Variants in UGT1A8 observed in about 807,000 individuals in gnomAD.
The protein encoded by UGT1A8 is UDP glucuronosyltransferase family 1 member A8, also known as UDP-glucuronosyltransferase 1A8.
A neutral mutation model predicts 45.3 loss-of-function variants in UGT1A8; 39 were observed. That is an observed-to-expected ratio of 0.86 (90% confidence interval 0.67 to 1.12). UGT1A8 has a LOEUF of 1.12. UGT1A8 is among the 50% of genes most tolerant of loss of function. UGT1A8 has a pLI of 0.00. For missense variants in UGT1A8, 719 were observed against 664.9 expected, an observed-to-expected ratio of 1.08 and a Z score of -0.90; for synonymous variants, 275 against 249.2, an observed-to-expected ratio of 1.10 and a Z score of -0.97.
At chr2:233,713,498 T>A in intron 1 of UGT1A8, 1 of 1,614,012 alleles carries the variant, frequency 6.2e-7, no homozygotes, top group Non-Finnish European at 8.5e-7. Context: ...CGATTCCTGC[T>A]GTGTTTTTCT....
intron 1 of UGT1A8, chr2:233,689,984 A>C: frequency 2.2e-6 from 1 of 453,360 alleles, no homozygotes; most frequent in South Asian, 1.6e-5. Context: ...AGGCCCCTAA[A>C]AGGGATTCTC....
intron 1 of UGT1A8, among the ~76,000 whole-genome samples, chr2:233,735,339 T>TG (rs1286077352): frequency 6.6e-6 from 1 of 151,862 alleles, no homozygotes; most frequent in African/African-American, 2.4e-5. Flanking sequence ...AACCCCTGCT[T>TG]TTTTTTTGCT....
At chr2:233,702,551 G>A (rs1489812994) in intron 1 of UGT1A8, among the ~76,000 whole-genome samples, 1 of 152,126 alleles carries the variant, frequency 6.6e-6, no homozygotes, top group Admixed American at 6.5e-5. Flanking sequence ...CTTAGGTGGG[G>A]AAGTATTCAG....
intron 1 of UGT1A8, among the ~76,000 whole-genome samples, chr2:233,647,012 CA>C (rs2073623412): frequency 6.6e-6 from 1 of 152,196 alleles, no homozygotes; most frequent in South Asian, 2.1e-4. Context: ...GGGGAGGCCT[CA>C]CAATCATGGC....
intron 1 of UGT1A8, among the ~76,000 whole-genome samples, chr2:233,629,332 T>G (rs1163329387): frequency 3.3e-5 from 5 of 152,166 alleles, no homozygotes; most frequent in Non-Finnish European, 7.4e-5. Flanking sequence ...TCATGCTGTA[T>G]ACATACACCA....
intron 1 of UGT1A8, among the ~76,000 whole-genome samples, chr2:233,659,454 A>G (rs2073923108): frequency 6.6e-6 from 1 of 152,224 alleles, no homozygotes; most frequent in Admixed American, 6.5e-5. Flanking sequence ...GAAAATTTTA[A>G]GGTTTGAGAA....
intron 1 of UGT1A8, chr2:233,712,898 A>G: frequency 6.2e-7 from 1 of 1,608,042 alleles, no homozygotes; most frequent in East Asian, 2.2e-5. Context: ...TTGATTTGCT[A>G]GGTGTCTCAG....
At position 233,772,787 on chromosome 2, in the gene UGT1A8, A is replaced by T; in HGVS notation, c.*228A>T. The T allele has an allele frequency of 4.0e-6, 5 of 1,249,376 alleles. No individual in the cohort carries two copies. Among genetic ancestry groups the T allele is most frequent in the Non-Finnish European group, 4.2e-6 (4 of 942,894 alleles). The allele number at this position is 1,249,376 out of a possible 1,614,324, so 77.4% of individuals were successfully genotyped here. A position where few individuals can be genotyped will look rare whatever the true frequency, so the allele number is the denominator to read the frequency against. The stretch of plus-strand genomic sequence containing the variant: ...GCCCCCTCTGGTGTCTTTGATCAGG[A>T]TGACATGTGCCATTTTTCAGAGGAC... On this transcript the variant is annotated 3_prime_UTR_variant, in exon 5 of 5. Coordinates refer to ENST00000373450, the MANE Select transcript of UGT1A8 (RefSeq NM_019076.5).
chr2:233,679,607 C>A (rs2074457324), intron 1 of UGT1A8, among the ~76,000 whole-genome samples: 1 of 152,044 alleles, frequency 6.6e-6, no homozygotes, highest in African/African-American at 2.4e-5. Flanking sequence ...TGTATTAAAA[C>A]CCTGTTCAGG....
At chr2:233,671,848 G>T in intron 1 of UGT1A8, 2 of 1,497,626 alleles carry the variant, frequency 1.3e-6, no homozygotes, top group Non-Finnish European at 8.9e-7. Flanking sequence ...CCTCTATTGG[G>T]GTCAGGTTTT....
chr2:233,752,600 T>C (rs1023436245), intron 1 of UGT1A8: 2 of 152,076 alleles, frequency 1.3e-5, no homozygotes, highest in African/African-American at 4.8e-5. Flanking sequence ...AGATTTTTTT[T>C]AAAAAAACAT....
At chr2:233,654,391 T>C (rs555172242) in intron 1 of UGT1A8, among the ~76,000 whole-genome samples, 2 of 152,300 alleles carry the variant, frequency 1.3e-5, no homozygotes, top group African/African-American at 2.4e-5. Flanking sequence ...CCAAACCCTA[T>C]AGCATCTTGT....
chr2:233,732,449 C>T (rs1329295368), intron 1 of UGT1A8, among the ~76,000 whole-genome samples: 2 of 152,220 alleles, frequency 1.3e-5, no homozygotes, highest in Admixed American at 1.3e-4. Flanking sequence ...TTAGGTCTAA[C>T]ATTTGAGTCT....
At chr2:233,647,287 G>T (rs563723032) in intron 1 of UGT1A8, among the ~76,000 whole-genome samples, 1 of 152,322 alleles carries the variant, frequency 6.6e-6, no homozygotes, top group African/African-American at 2.4e-5. Flanking sequence ...TATTGAATTT[G>T]ATTTGCTGAA....
chr2:233,731,651 A>G (rs190900877), intron 1 of UGT1A8, among the ~76,000 whole-genome samples: 118 of 152,290 alleles, frequency 7.7e-4, no homozygotes, highest in Admixed American at 1.5e-3. Context: ...TCCATGGTGT[A>G]TATGTGCCAC....
rs1228021328 is a variant in UGT1A8, at chr2:233,772,590, A to G, written c.*31A>G. The G allele has an allele frequency of 2.5e-6, 4 of 1,602,300 alleles. No homozygotes were observed. Among genetic ancestry groups the G allele is most frequent in the Non-Finnish European group, 2.6e-6 (3 of 1,173,678 alleles). ...GGGTGGGAAATAAGGTAAAATTTTG[A>G]ACCATTCCCTAGTCATTTCCAAACT... is the stretch of plus-strand genomic sequence containing the variant. On this transcript the variant is annotated 3_prime_UTR_variant, in exon 5 of 5. Transcript: ENST00000373450.
intron 1 of UGT1A8, among the ~76,000 whole-genome samples, chr2:233,623,155 A>G (rs2073039427): frequency 6.6e-6 from 1 of 152,194 alleles, no homozygotes; most frequent in Non-Finnish European, 1.5e-5. Context: ...GAAGTCAGGT[A>G]GCATGATGCC....
chr2:233,648,746 G>T, intron 1 of UGT1A8: 1 of 598,942 alleles, frequency 1.7e-6, no homozygotes. Flanking sequence ...TTACAGGGGT[G>T]AGCCACCACA....
rs774683875 is a variant in UGT1A8 at position 233,713,284 on chromosome 2, A to C, written c.856-53750A>C. 1.9e-6 allele frequency: 3 copies of C among 1,614,270 alleles called. No individual in the cohort carries two copies. The East Asian group carries it at 6.7e-5, about 36-fold the overall frequency. On this transcript the variant is annotated intron_variant, in intron 1 of 4. Coordinates refer to ENST00000373450, the MANE Select transcript of UGT1A8 (RefSeq NM_019076.5). ...GATCGCCTTTTGCTGGGTCACACTCAATCGTTCTTTGAAACAGAACATCTT... is the reference window on the plus strand; with the variant it reads ...GATCGCCTTTTGCTGGGTCACACTCCATCGTTCTTTGAAACAGAACATCTT...
Sources: gnomAD v4.1 joint callset for allele counts (sites outside exome capture counted in the v4.1 genomes callset) on GRCh38, gnomAD v4.1.1 for gene constraint, MANE v1.5 for transcripts, NCBI Gene and HGNC (gene_info 2026-07-23, HGNC 2026-07-21) for gene names.